The following CFAP47 variants were observed in gnomAD, a reference collection of about 807,000 sequenced individuals.
CFAP47 encodes the protein cilia and flagella associated protein 47.
A neutral mutation model predicts 148.1 loss-of-function variants in CFAP47; 29 were observed. The observed-to-expected ratio is 0.20, with a 90% CI of 0.15 to 0.27. The LOEUF is 0.27. CFAP47 is among the 10% of genes least tolerant of loss of function. The pLI, the probability that CFAP47 is intolerant of heterozygous loss-of-function variation, is 1.00. For missense variants in CFAP47, 1,872 were observed against 1,697.5 expected (o/e 1.10, Z -1.81); for synonymous variants, 664 against 577.3 (o/e 1.15, Z -2.15).
intron 38 of CFAP47, among the ~76,000 whole-genome samples, chrX:36,159,899 C>T (rs941075564): frequency 2.7e-5 from 3 of 111,736 alleles, no homozygotes; most frequent in Non-Finnish European, 5.6e-5. Context: ...GACGATGTTC[C>T]AGACAGAGTT....
At chrX:36,169,758 C>G (rs1448966281) in intron 39 of CFAP47, among the ~76,000 whole-genome samples, 1 of 111,024 alleles carries the variant, frequency 9.0e-6, no homozygotes, top group Non-Finnish European at 1.9e-5. Flanking sequence ...ATCTTTTCCC[C>G]CATATGTTCC....
chrX:36,107,013 T>G (rs1434084025), intron 33 of CFAP47, among the ~76,000 whole-genome samples: 1 of 111,778 alleles, frequency 8.9e-6, no homozygotes. Flanking sequence ...GTTCATCAGT[T>G]GTAATAAATG....
At chrX:36,379,203 G>A in intron 62 of CFAP47, 147 bp from the exon 63 acceptor site, 1 of 484,545 alleles carries the variant, frequency 2.1e-6, no homozygotes, top group Non-Finnish European at 3.5e-6. Flanking sequence ...TTTTTAAAAT[G>A]CCTCCTCACT....
At chrX:36,077,282 G>GT (rs747809859) in intron 29 of CFAP47, among the ~76,000 whole-genome samples, 93 of 74,101 alleles carry the variant, frequency 1.3e-3, no homozygotes, top group Middle Eastern at 0.01. Context: ...TTTTAGAAAA[G>GT]TTTTTTTTTA....
chrX:36,179,686 T>C (rs1048244332), intron 40 of CFAP47, among the ~76,000 whole-genome samples: 22 of 112,033 alleles, frequency 2.0e-4, no homozygotes, highest in African/African-American at 7.1e-4. Context: ...GCACATATTA[T>C]GTTTGTGAAT....
intron 41 of CFAP47, 60 bp from the exon 42 acceptor site, chrX:36,189,991 C>T (rs142235015): frequency 0.013 from 3,879 of 292,908 alleles, 29 homozygotes; most frequent in Middle Eastern, 0.017. Context: ...AAACTTTAAT[C>T]ACTAAATGAA....
intron 36 of CFAP47, among the ~76,000 whole-genome samples, chrX:36,147,728 TACCAAAGTTTCCATTGA>T (rs1939255034): frequency 8.9e-6 from 1 of 112,428 alleles, no homozygotes; most frequent in African/African-American, 3.2e-5. Context: ...TTCTATTGGT[TACCAAAGTTTCCATTGA>T]ACTAAGAAAA....
At chrX:36,300,744 C>A (rs1941290848) in intron 52 of CFAP47, among the ~76,000 whole-genome samples, 1 of 112,226 alleles carries the variant, frequency 8.9e-6, no homozygotes, top group African/African-American at 3.2e-5. Context: ...GACTTAGTCA[C>A]AGTTAAAAAG....
At chrX:36,215,195 A>G (rs1940146271) in intron 45 of CFAP47, among the ~76,000 whole-genome samples, 1 of 111,664 alleles carries the variant, frequency 9.0e-6, no homozygotes, top group Admixed American at 9.6e-5. Context: ...TTGACCAGAT[A>G]GTGCATGACT....
intron 16 of CFAP47, chrX:35,990,239 A>C (rs1936772996): frequency 9.0e-6 from 1 of 111,608 alleles, no homozygotes; most frequent in African/African-American, 3.3e-5. Context: ...TCTTCAAATA[A>C]ATGTAATTAT....
intron 63 of CFAP47, among the ~76,000 whole-genome samples, chrX:36,381,853 TAA>T (rs1338471265): frequency 1.8e-4 from 20 of 109,941 alleles, no homozygotes; most frequent in African/African-American, 6.2e-4. Context: ...ATATAATACA[TAA>T]GATTATATAT....
chrX:36,322,211 G>A (rs1941484305), intron 57 of CFAP47, among the ~76,000 whole-genome samples: 1 of 111,206 alleles, frequency 9.0e-6, no homozygotes, highest in South Asian at 3.7e-4. Context: ...TCTAATGCCA[G>A]TGCCATACAG....
rs760031114 is a variant in CFAP47 at position 36,015,240 on chromosome X, A to G, written c.3556+328A>G. On this transcript the variant is annotated intron_variant, in intron 22 of 63. Coordinates refer to ENST00000378653, the MANE Select transcript of CFAP47 (RefSeq NM_001304548.2). ...TATTAAAATATTACAAAATGCATTTAACATAAAATAAAATAATAAGAATTT... is the reference window on the plus strand; with the variant it reads ...TATTAAAATATTACAAAATGCATTTGACATAAAATAAAATAATAAGAATTT... Among the ~76,000 whole-genome samples the G allele has an allele frequency of 5.5e-4, 56 of 101,811 alleles. 2 individuals are homozygous for G. The East Asian group carries it at 0.019, about 35-fold the overall frequency. 88.4% of individuals were successfully genotyped at this position (101,811 alleles called of 115,157 possible).
chrX:36,333,634 C>A (rs1941582218), intron 57 of CFAP47, among the ~76,000 whole-genome samples: 1 of 111,469 alleles, frequency 9.0e-6, no homozygotes, highest in South Asian at 3.8e-4. Context: ...AACTCTTGTA[C>A]TTTCCCTCAA....
intron 45 of CFAP47, among the ~76,000 whole-genome samples, chrX:36,225,964 C>T (rs1940265404): frequency 8.9e-6 from 1 of 111,794 alleles, no homozygotes; most frequent in Non-Finnish European, 1.9e-5. Flanking sequence ...TTTTAATTAT[C>T]AGGTTATCAT....
At chrX:36,362,596 GT>G (rs201299759) in intron 61 of CFAP47, among the ~76,000 whole-genome samples, 12,481 of 111,867 alleles carry the variant, frequency 0.11, 935 homozygotes, top group African/African-American at 0.27. Flanking sequence ...GGCCACCTAG[GT>G]TGATTCCATG....
chrX:36,307,823 CTGT>C (rs1941363026), intron 55 of CFAP47, among the ~76,000 whole-genome samples: 1 of 110,814 alleles, frequency 9.0e-6, no homozygotes, highest in Non-Finnish European at 1.9e-5. Flanking sequence ...TGTTTTGAGG[CTGT>C]TAACTTGTCT....
At chrX:35,994,464 TTAAGTA>T (rs1936823869) in intron 18 of CFAP47, among the ~76,000 whole-genome samples, 1 of 111,355 alleles carries the variant, frequency 9.0e-6, no homozygotes, top group Admixed American at 9.6e-5. Context: ...ATGAATAACT[TTAAGTA>T]TATCTTACAT....
At chrX:36,322,295 A>G (rs190471928) in intron 57 of CFAP47, among the ~76,000 whole-genome samples, 1 of 110,494 alleles carries the variant, frequency 9.1e-6, no homozygotes, top group African/African-American at 3.3e-5. Context: ...ATTTTCTCTT[A>G]CCTACTTATT....
Sources: allele counts gnomAD v4.1 joint callset (sites outside exome capture counted in the v4.1 genomes callset), GRCh38; gene constraint gnomAD v4.1.1; transcripts MANE v1.5; gene names NCBI Gene and HGNC (gene_info 2026-07-23, HGNC 2026-07-21).